The following TBCD variants were observed in gnomAD, a reference collection of about 807,000 sequenced individuals.
The protein encoded by TBCD is tubulin-specific chaperone D.
Under a neutral mutation model 169.3 loss-of-function variants are expected in TBCD, and 105 were observed. That is an observed-to-expected ratio of 0.62 (90% CI 0.53 to 0.73). TBCD has a LOEUF of 0.73. TBCD is among the 30% of genes least tolerant of loss of function. The pLI is 0.00. For synonymous variants in TBCD, 700 were observed against 643.9 expected (o/e 1.09, Z -1.32); for missense variants, 1,444 against 1,600.1 (o/e 0.90, Z 1.66).
rs141779989 is a variant in TBCD, at chr17:82,779,348, T to C, written c.639-2241T>C. On this transcript the variant is annotated intron_variant, in intron 6 of 38. Transcript: ENST00000355528. ...GTTTACCAGGCTGGTCTTGAACTCCTGAACTCAAGCTATTCACCCACCTCC... is the reference window on the plus strand; with the variant it reads ...GTTTACCAGGCTGGTCTTGAACTCCCGAACTCAAGCTATTCACCCACCTCC... 7.4e-3 allele frequency among the ~76,000 whole-genome samples: 1,120 copies of C among 152,228 alleles called. 8 individuals carry two copies. The highest frequency in any genetic ancestry group is 0.01 in the Non-Finnish European group (687 of 68,016).
chr17:82,926,551 C>T, intron 28 of TBCD, 60 bp downstream of exon 28: 1 of 1,424,854 alleles, frequency 7.0e-7, no homozygotes, highest in African/African-American at 1.4e-5. Flanking sequence ...CAGATGAACG[C>T]TAAGGGGGAT....
At chr17:82,926,337 C>T in intron 27 of TBCD, 63 bp from the exon 28 acceptor site, 1 of 1,516,942 alleles carries the variant, frequency 6.6e-7, no homozygotes, top group Non-Finnish European at 9.1e-7. Context: ...ACATTGCCAC[C>T]TCCCTAAAGA....
intron 5 of TBCD, among the ~76,000 whole-genome samples, chr17:82,770,521 C>A (rs1023071004): frequency 1.3e-5 from 2 of 151,864 alleles, no homozygotes; most frequent in African/African-American, 4.8e-5. Flanking sequence ...ATCGCTTGAA[C>A]CTGGGAGGCG....
At chr17:82,902,374 C>G (rs537441430) in intron 18 of TBCD, among the ~76,000 whole-genome samples, 2 of 152,366 alleles carry the variant, frequency 1.3e-5, no homozygotes, top group African/African-American at 4.8e-5. Flanking sequence ...GCCGTCCTTA[C>G]GCGAAGAGGC....
At chr17:82,799,716 A>T (rs2050367317) in intron 8 of TBCD, among the ~76,000 whole-genome samples, 1 of 152,152 alleles carries the variant, frequency 6.6e-6, no homozygotes, top group Admixed American at 6.5e-5. Context: ...ACCACACCCG[A>T]GAACGCGAGC....
At chr17:82,803,646 C>T (rs1016995184) in intron 9 of TBCD, among the ~76,000 whole-genome samples, 13 of 152,234 alleles carry the variant, frequency 8.5e-5, no homozygotes, top group Non-Finnish European at 1.8e-4. Context: ...GCAGCTTCCC[C>T]TCGCTGGGGA....
chr17:82,912,890 C>G lies in TBCD; in HGVS notation c.2038+1101C>G, dbSNP rs141493919. The G allele has an allele frequency of 3.3e-5, 5 of 152,382 alleles. No homozygotes were observed. In the East Asian group the frequency reaches 7.7e-4, roughly 23 times the overall value. 9.4% of individuals were successfully genotyped at this position (152,382 alleles called of 1,614,324 possible). A position where few individuals can be genotyped will look rare whatever the true frequency, so the allele number is the denominator to read the frequency against. On this transcript the variant is annotated intron_variant, in intron 23 of 38. Transcript: ENST00000355528. ...GTTCTCATGAGTCTGATGGACGTCA[C>G]GGGAAAGTCAATCCTAGAAACGTGA...
chr17:82,785,954 G>C (rs1206329251), intron 7 of TBCD, among the ~76,000 whole-genome samples: 1 of 152,232 alleles, frequency 6.6e-6, no homozygotes, highest in Non-Finnish European at 1.5e-5. Flanking sequence ...GGTTGGACTG[G>C]TGAAATGACA....
At chr17:82,861,770 G>A (rs1048616381) in intron 13 of TBCD, among the ~76,000 whole-genome samples, 1 of 152,172 alleles carries the variant, frequency 6.6e-6, no homozygotes, top group Non-Finnish European at 1.5e-5. Context: ...GGCATAGGAT[G>A]GCTAAGGTAT....
chr17:82,769,222 A>C lies in TBCD; in HGVS notation c.582+656A>C, dbSNP rs113177521. 1.4e-3 allele frequency among the ~76,000 whole-genome samples: 208 copies of C among 152,288 alleles called. 2 individuals carry two copies. The highest frequency in any genetic ancestry group is 4.9e-3 in the African/African-American group (202 of 41,554). On this transcript the variant is annotated intron_variant, in intron 5 of 38. Coordinates refer to ENST00000355528, the MANE Select transcript of TBCD (RefSeq NM_005993.5). ...GCAGGCTTTGCCCCAAGGCCGTTGG[A>C]TTGAGGCCACCCTCAGTTCTTTGCC...
chr17:82,826,927 C>T (rs772968210), intron 13 of TBCD, among the ~76,000 whole-genome samples: 4 of 151,094 alleles, frequency 2.6e-5, no homozygotes, highest in Non-Finnish European at 5.9e-5. Flanking sequence ...AGGTATGTGC[C>T]ACCACACCTG....
rs2063592385 is a variant in TBCD at position 82,945,067 on chromosome 17, C to G, written c.*2604C>G. 6.6e-6 allele frequency: 1 copy of G among 152,088 alleles called. No homozygotes were observed. The highest frequency in any genetic ancestry group is 6.5e-5 in the Admixed American group (1 of 15,270). The allele number at this position is 152,088 out of a possible 1,614,324, so 9.4% of individuals were successfully genotyped here. A position where few individuals can be genotyped will look rare whatever the true frequency, so the allele number is the denominator to read the frequency against. On this transcript the variant is annotated 3_prime_UTR_variant, in exon 39 of 39. Transcript: ENST00000355528. ...CAGAAGATGCAAATACAAAACCTCT[C>G]TGGTAGAATGTAGGCTATAATATGA... is the stretch of plus-strand genomic sequence containing the variant.
chr17:82,830,155 G>A (rs1222365657), intron 13 of TBCD: 2 of 1,613,916 alleles, frequency 1.2e-6, no homozygotes, highest in Admixed American at 1.7e-5. Flanking sequence ...GGACACCCGG[G>A]CCCTCCTTCG....
chr17:82,903,304 T>C lies in TBCD; in HGVS notation c.1731-101T>C. 8.8e-7 allele frequency: 1 copy of C among 1,136,584 alleles called. No homozygotes were observed. Among genetic ancestry groups the C allele is most frequent in the African/African-American group, 1.5e-5 (1 of 65,080 alleles). 70.4% of individuals were successfully genotyped at this position (1,136,584 alleles called of 1,614,324 possible). A position where few individuals can be genotyped will look rare whatever the true frequency, so the allele number is the denominator to read the frequency against. On this transcript the variant is annotated intron_variant, in intron 18 of 38. Coordinates refer to ENST00000355528, the MANE Select transcript of TBCD (RefSeq NM_005993.5). The surrounding 1 kb of genome is among the most constrained non-coding windows in gnomAD (Gnocchi z 4.8). Reference sequence around the variant, plus strand: ...GAGTGAGCCTCTGCTAAGTGGCCGGTTGAGGACTCGTGTGTTGTCTCCCTC... The same window carrying C: ...GAGTGAGCCTCTGCTAAGTGGCCGGCTGAGGACTCGTGTGTTGTCTCCCTC...
chr17:82,814,945 G>C lies in TBCD; in HGVS notation c.1318+11G>C. On this transcript the variant is annotated intron_variant, in intron 13 of 38. Coordinates refer to ENST00000355528, the MANE Select transcript of TBCD (RefSeq NM_005993.5). The stretch of plus-strand genomic sequence containing the variant: ...CTCGACTCGTGGATGGTGAGTAGCT[G>C]AGGCACGGTCAGGGGGGATGTCTGG... The C allele has an allele frequency of 6.2e-7, 1 of 1,609,984 alleles. No homozygotes were observed. The highest frequency in any genetic ancestry group is 8.5e-7 in the Non-Finnish European group (1 of 1,178,818).
chr17:82,784,092 C>T (rs2049133422), intron 7 of TBCD, among the ~76,000 whole-genome samples: 1 of 151,934 alleles, frequency 6.6e-6, no homozygotes, highest in South Asian at 2.1e-4. Flanking sequence ...CCACTGCACC[C>T]CAGCCTAGGT....
chr17:82,848,362 G>T (rs1294834809), intron 13 of TBCD, among the ~76,000 whole-genome samples: 1 of 1,916 alleles, frequency 5.2e-4, no homozygotes, highest in Non-Finnish European at 0.042. Context: ...TTGAAACCCT[G>T]AGCTATGTAT....
intron 34 of TBCD, among the ~76,000 whole-genome samples, chr17:82,934,011 C>T (rs947142529): frequency 2.6e-5 from 4 of 152,242 alleles, no homozygotes; most frequent in Non-Finnish European, 4.4e-5. Flanking sequence ...CTTCCCTTCC[C>T]ACCGCTGCTG....
Position 82,923,845 on chromosome 17 carries a change from G to C in TBCD, c.2260+112G>C. 2.4e-6 allele frequency: 2 copies of C among 844,986 alleles called. No homozygotes were observed. Among genetic ancestry groups the C allele is most frequent in the Non-Finnish European group, 3.7e-6 (2 of 544,444 alleles). The allele number at this position is 844,986 out of a possible 1,614,324, so 52.3% of individuals were successfully genotyped here. ...TTGTGCAGTGGAGCAGAGCCACCACGATCATGGCTGGAGTGGGACTGTTCG... is the reference window on the plus strand; with the variant it reads ...TTGTGCAGTGGAGCAGAGCCACCACCATCATGGCTGGAGTGGGACTGTTCG... On this transcript the variant is annotated intron_variant, in intron 26 of 38. Coordinates refer to ENST00000355528, the MANE Select transcript of TBCD (RefSeq NM_005993.5). This position sits in a 1 kb window ranked among gnomAD's most constrained non-coding sequence, Gnocchi z 4.6.
Sources: gnomAD v4.1 joint callset for allele counts (sites outside exome capture counted in the v4.1 genomes callset) on GRCh38, gnomAD v4.1.1 for gene constraint, Gnocchi (gnomAD v3.1) non-coding constraint, MANE v1.5 for transcripts, NCBI Gene and HGNC (gene_info 2026-07-23, HGNC 2026-07-21) for gene names.